CLEC16A: variants seen among roughly 807,000 people sequenced by gnomAD.
The protein encoded by CLEC16A is C-type lectin domain containing 16A.
A neutral mutation model predicts 109.5 loss-of-function variants in CLEC16A; 51 were observed. The observed-to-expected ratio is 0.47, with a 90% CI of 0.37 to 0.59. The LOEUF (loss-of-function observed/expected upper bound fraction) is 0.59. Among genes scored for constraint, CLEC16A ranks in the 20% least tolerant of loss-of-function variants. The pLI, the probability that CLEC16A is intolerant of heterozygous loss-of-function variation, is 0.00. For synonymous variants in CLEC16A, 673 were observed against 564.2 expected (o/e 1.19, Z -2.73); for missense variants, 1,339 against 1,394.0 (o/e 0.96, Z 0.63).
intron 7 of CLEC16A, among the ~76,000 whole-genome samples, chr16:10,976,860 T>A (rs931733811): frequency 1.3e-5 from 2 of 152,234 alleles, no homozygotes; most frequent in Non-Finnish European, 2.9e-5. Context: ...TCTTTAGAAC[T>A]CCTCTGGAGC....
intron 22 of CLEC16A, among the ~76,000 whole-genome samples, chr16:11,129,764 T>C (rs1411188542): frequency 1.5e-5 from 1 of 67,804 alleles, no homozygotes; most frequent in African/African-American, 1.5e-4. Flanking sequence ...CCTGGTTCCT[T>C]TTTTTTTTTT....
At chr16:11,141,624 T>C (rs1215812527) in intron 22 of CLEC16A, among the ~76,000 whole-genome samples, 1 of 152,212 alleles carries the variant, frequency 6.6e-6, no homozygotes, top group Non-Finnish European at 1.5e-5. Context: ...CCAAGCTCCT[T>C]GCACGTACCG....
chr16:10,980,245 A>G (rs895491583), intron 9 of CLEC16A, among the ~76,000 whole-genome samples: 3 of 152,198 alleles, frequency 2.0e-5, no homozygotes, highest in Non-Finnish European at 4.4e-5. Context: ...AGGTAGGCCA[A>G]TCCGGACATG....
At chr16:10,963,758 G>C (rs1374203197) in intron 3 of CLEC16A, among the ~76,000 whole-genome samples, 1 of 152,216 alleles carries the variant, frequency 6.6e-6, no homozygotes, top group Non-Finnish European at 1.5e-5. Context: ...GAATAGAGAA[G>C]GGGTTTCATC....
At chr16:11,083,543 C>G (rs2049849421) in intron 19 of CLEC16A, among the ~76,000 whole-genome samples, 1 of 152,226 alleles carries the variant, frequency 6.6e-6, no homozygotes, top group Non-Finnish European at 1.5e-5. Flanking sequence ...GCACGTGACC[C>G]CAGGGCCACT....
At chr16:11,142,462 G>A (rs1597544608) in intron 22 of CLEC16A, among the ~76,000 whole-genome samples, 2 of 152,240 alleles carry the variant, frequency 1.3e-5, no homozygotes, top group South Asian at 4.1e-4. Context: ...GAGCCGAGTG[G>A]CATTTGCCCG....
intron 23 of CLEC16A, among the ~76,000 whole-genome samples, chr16:11,170,129 G>A (rs558610737): frequency 6.9e-4 from 105 of 152,286 alleles, no homozygotes; most frequent in African/African-American, 2.5e-3. Context: ...CCAGGGTGTC[G>A]CAGAGACCCG....
intron 2 of CLEC16A, among the ~76,000 whole-genome samples, chr16:10,959,260 C>T (rs1234266325): frequency 6.6e-6 from 1 of 152,134 alleles, no homozygotes; most frequent in African/African-American, 2.4e-5. Flanking sequence ...TCCAATAAAG[C>T]TACTTGTGGA....
chr16:11,085,783 G>C (rs1039217660), intron 19 of CLEC16A, among the ~76,000 whole-genome samples: 18 of 152,138 alleles, frequency 1.2e-4, no homozygotes, highest in African/African-American at 4.1e-4. Flanking sequence ...GTAGAGAAAG[G>C]GTTTCATCTT....
At chr16:11,041,463 A>G (rs894297575) in intron 14 of CLEC16A, 10 of 152,184 alleles carry the variant, frequency 6.6e-5, no homozygotes, top group African/African-American at 1.9e-4. Context: ...GTATTTTTCT[A>G]CCTTTGGCCT....
chr16:11,087,350 G>A (rs2050068014), intron 19 of CLEC16A, among the ~76,000 whole-genome samples: 2 of 152,232 alleles, frequency 1.3e-5, no homozygotes, highest in South Asian at 2.1e-4. Context: ...CCAGGAGGAA[G>A]CCCTGCCTCC....
intron 10 of CLEC16A, among the ~76,000 whole-genome samples, chr16:10,984,623 TA>T (rs2043517638): frequency 2.0e-5 from 3 of 152,192 alleles, no homozygotes; most frequent in Non-Finnish European, 4.4e-5. Context: ...GGTGATGTGT[TA>T]AAGATTTTCC....
chr16:11,002,196 A>T (rs1441094800), intron 10 of CLEC16A, among the ~76,000 whole-genome samples: 1 of 152,222 alleles, frequency 6.6e-6, no homozygotes, highest in South Asian at 2.1e-4. Context: ...ATGACACAGT[A>T]ATATCTCATG....
intron 22 of CLEC16A, chr16:11,136,002 G>A (rs1474940513): frequency 6.6e-6 from 1 of 152,308 alleles, no homozygotes; most frequent in East Asian, 1.9e-4. Context: ...GGGTGTCCAT[G>A]ATCAATCCCA....
rs199776188 is a variant in CLEC16A, at chr16:11,126,043, C to T, written c.2538C>T (p.Thr846=). 6.2e-7 allele frequency: 1 copy of T among 1,613,966 alleles called. No homozygotes were observed. The highest frequency in any genetic ancestry group is 8.5e-7 in the Non-Finnish European group (1 of 1,179,884). Residue 846 remains threonine (T), a synonymous_variant, in exon 22 of 24, where the codon ACC becomes ACT. Coordinates refer to ENST00000409790, the MANE Select transcript of CLEC16A (RefSeq NM_015226.3). ...TGGGGTTTGGACTCGGCTCCTCCACCTCCACTCAGCACCTGCCTTTCCGCT... is the reference window on the plus strand; with the variant it reads ...TGGGGTTTGGACTCGGCTCCTCCACTTCCACTCAGCACCTGCCTTTCCGCT... ...EVLGFGLGSS[T]STQHLPFRFY...
intron 5 of CLEC16A, among the ~76,000 whole-genome samples, chr16:10,972,020 T>C (rs1002391012): frequency 3.3e-5 from 5 of 152,234 alleles, no homozygotes; most frequent in Non-Finnish European, 7.3e-5. Flanking sequence ...ACATTAAATT[T>C]AAGAACCTTT....
chr16:11,076,760 C>T (rs1356444451), intron 19 of CLEC16A, among the ~76,000 whole-genome samples: 1 of 152,178 alleles, frequency 6.6e-6, no homozygotes, highest in African/African-American at 2.4e-5. Flanking sequence ...TCTCCCAGCC[C>T]AGGAAGCTGG....
intron 19 of CLEC16A, among the ~76,000 whole-genome samples, chr16:11,110,090 CAG>C (rs1304522954): frequency 1.3e-5 from 2 of 152,208 alleles, no homozygotes; most frequent in African/African-American, 4.8e-5. Flanking sequence ...TACAGCCTGT[CAG>C]AGGGGGCTGT....
intron 19 of CLEC16A, among the ~76,000 whole-genome samples, chr16:11,098,551 G>A (rs1265907364): frequency 6.6e-6 from 1 of 152,156 alleles, no homozygotes; most frequent in East Asian, 1.9e-4. Flanking sequence ...ATGGTATTTG[G>A]GATCTGACAA....
Sources: gnomAD v4.1 joint callset for allele counts (sites outside exome capture counted in the v4.1 genomes callset) on GRCh38, gnomAD v4.1.1 for gene constraint, MANE v1.5 for transcripts, NCBI Gene and HGNC (gene_info 2026-07-23, HGNC 2026-07-21) for gene names.